Variants in MYO1D observed in about 807,000 individuals in gnomAD.
The protein encoded by MYO1D is myosin ID, also known as unconventional myosin-Id.
In MYO1D, 83 loss-of-function variants were observed where a neutral mutation model predicts 122.0. That is an observed-to-expected ratio of 0.68 (90% CI 0.57 to 0.82). The LOEUF (loss-of-function observed/expected upper bound fraction) is 0.82, where lower values mean the gene tolerates loss of function less well. MYO1D is among the 40% of genes least tolerant of loss of function. MYO1D has a pLI of 0.00. For missense variants in MYO1D, 1,157 were observed against 1,269.5 expected (o/e 0.91, Z 1.35); for synonymous variants, 464 against 446.9 (o/e 1.04, Z -0.48).
At chr17:32,740,249 CTG>C (rs1257981009) in intron 13 of MYO1D, among the ~76,000 whole-genome samples, 4 of 152,190 alleles carry the variant, frequency 2.6e-5, no homozygotes, top group Non-Finnish European at 5.9e-5. Flanking sequence ...TGTTAAAAGA[CTG>C]TGTCTTTTAG....
At chr17:32,760,669 A>G (rs1393269542) in intron 8 of MYO1D, 42 bp from the exon 9 acceptor site, 2 of 1,575,890 alleles carry the variant, frequency 1.3e-6, no homozygotes, top group Non-Finnish European at 1.7e-6. Context: ...CAATTTGGGA[A>G]TGAGTCCTCT....
intron 20 of MYO1D, among the ~76,000 whole-genome samples, chr17:32,628,268 CAAT>C (rs2087954268): frequency 6.6e-6 from 1 of 152,026 alleles, no homozygotes; most frequent in Non-Finnish European, 1.5e-5. Context: ...GCCAATTTGA[CAAT>C]AATGCAGATT....
intron 16 of MYO1D, among the ~76,000 whole-genome samples, chr17:32,683,278 TC>T (rs1282949466): frequency 5.3e-5 from 8 of 152,290 alleles, no homozygotes; most frequent in Admixed American, 2.6e-4. Context: ...CCAGCTTTGT[TC>T]CGTTGCTGGT....
intron 11 of MYO1D, among the ~76,000 whole-genome samples, chr17:32,752,572 CA>C (rs1247618267): frequency 6.6e-6 from 1 of 151,792 alleles, no homozygotes; most frequent in Non-Finnish European, 1.5e-5. Flanking sequence ...AACTAAATAA[CA>C]AAAAAATCAC....
At chr17:32,507,339 G>A (rs1392799653) in intron 21 of MYO1D, among the ~76,000 whole-genome samples, 2 of 152,180 alleles carry the variant, frequency 1.3e-5, no homozygotes, top group African/African-American at 4.8e-5. Flanking sequence ...GGGAGGTTGA[G>A]GCTGCAGTGA....
At chr17:32,825,972 C>T (rs2090718544) in intron 1 of MYO1D, among the ~76,000 whole-genome samples, 1 of 150,490 alleles carries the variant, frequency 6.6e-6, no homozygotes, top group African/African-American at 2.4e-5. Flanking sequence ...TTGCCTCAGC[C>T]CAGGAGTTTG....
intron 2 of MYO1D, among the ~76,000 whole-genome samples, chr17:32,779,019 T>A (rs988818181): frequency 6.6e-6 from 1 of 152,062 alleles, no homozygotes. Flanking sequence ...GTCTAAAAAA[T>A]TAAGGTTAGA....
chr17:32,724,692 C>T (rs2089552263), intron 14 of MYO1D, among the ~76,000 whole-genome samples: 1 of 152,128 alleles, frequency 6.6e-6, no homozygotes, highest in African/African-American at 2.4e-5. Flanking sequence ...AGGTAAACCC[C>T]TCTCACTTTG....
At chr17:32,740,930 T>C (rs553509594) in intron 13 of MYO1D, among the ~76,000 whole-genome samples, 1 of 152,240 alleles carries the variant, frequency 6.6e-6, no homozygotes, top group East Asian at 1.9e-4. Context: ...GTTTGTGCAC[T>C]TGGAATGCAA....
intron 21 of MYO1D, among the ~76,000 whole-genome samples, chr17:32,538,457 A>G (rs1910727261): frequency 7.7e-6 from 1 of 129,826 alleles, no homozygotes; most frequent in Non-Finnish European, 1.6e-5. Context: ...GATAATTATT[A>G]TTATTATTAT....
At chr17:32,795,209 T>C (rs2090401612) in intron 1 of MYO1D, among the ~76,000 whole-genome samples, 1 of 152,024 alleles carries the variant, frequency 6.6e-6, no homozygotes, top group Non-Finnish European at 1.5e-5. Flanking sequence ...CACTTCTTTC[T>C]CTCATAGAAT....
intron 1 of MYO1D, among the ~76,000 whole-genome samples, chr17:32,871,389 G>A (rs920335758): frequency 6.6e-6 from 1 of 152,126 alleles, no homozygotes; most frequent in East Asian, 1.9e-4. Context: ...TAGTGACAAG[G>A]CTGAAAATCC....
intron 16 of MYO1D, among the ~76,000 whole-genome samples, chr17:32,676,902 C>T (rs8074250): frequency 0.048 from 7,303 of 152,038 alleles, 545 homozygotes; most frequent in African/African-American, 0.16. Context: ...GCTCCACCTC[C>T]CAGGTTCACG....
chr17:32,800,389 T>C (rs547893151), intron 1 of MYO1D, among the ~76,000 whole-genome samples: 2 of 152,312 alleles, frequency 1.3e-5, no homozygotes, highest in Admixed American at 1.3e-4. Context: ...AATTCTGTCA[T>C]TTTTGATAAC....
chr17:32,571,272 C>T (rs1399972483), intron 21 of MYO1D, among the ~76,000 whole-genome samples: 5 of 152,058 alleles, frequency 3.3e-5, no homozygotes, highest in South Asian at 2.1e-4. Flanking sequence ...AAGAAAACCT[C>T]ATTGGTTGGT....
intron 21 of MYO1D, among the ~76,000 whole-genome samples, chr17:32,520,475 A>G (rs1440079541): frequency 1.3e-5 from 2 of 152,236 alleles, no homozygotes; most frequent in Non-Finnish European, 2.9e-5. Context: ...AGGTCTTTTT[A>G]TCCATCAGGC....
intron 20 of MYO1D, among the ~76,000 whole-genome samples, chr17:32,612,388 C>T (rs537738153): frequency 9.8e-4 from 149 of 152,106 alleles, no homozygotes; most frequent in Non-Finnish European, 1.9e-3. Context: ...GGTGTGTTGA[C>T]TTTCAAAATT....
chr17:32,872,865 T>G (rs2091194307), intron 1 of MYO1D, among the ~76,000 whole-genome samples: 2 of 149,272 alleles, frequency 1.3e-5, no homozygotes, highest in Non-Finnish European at 3.0e-5. Context: ...CCCGGCTAAT[T>G]TTTTGTATTT....
chr17:32,665,472 G>A (rs948674314), intron 16 of MYO1D, among the ~76,000 whole-genome samples: 1 of 152,166 alleles, frequency 6.6e-6, no homozygotes, highest in Non-Finnish European at 1.5e-5. Context: ...CATCTTCCAA[G>A]TCTGATATTG....
Sources: allele counts gnomAD v4.1 joint callset (sites outside exome capture counted in the v4.1 genomes callset), GRCh38; gene constraint gnomAD v4.1.1; transcripts MANE v1.5; gene names NCBI Gene and HGNC (gene_info 2026-07-23, HGNC 2026-07-21).